The following RBFOX1 variants were observed in gnomAD, a reference collection of about 807,000 sequenced individuals.
RBFOX1 encodes RNA binding fox-1 homolog 1.
RBFOX1 carries 8 observed loss-of-function variants against 57.7 expected under a neutral mutation model. The ratio of observed to expected loss-of-function variants is 0.14; its 90% CI spans 0.08 to 0.25. The LOEUF (loss-of-function observed/expected upper bound fraction) is 0.25. Among genes scored for constraint, RBFOX1 ranks in the 10% least tolerant of loss-of-function variants. RBFOX1 has a pLI of 1.00. For synonymous variants in RBFOX1, 326 were observed against 222.4 expected, an observed-to-expected ratio of 1.47 and a Z score of -4.15; for missense variants, 611 against 548.5, an observed-to-expected ratio of 1.11 and a Z score of -1.14.
chr16:7,203,706 C>G (rs907678831), intron 4 of RBFOX1, among the ~76,000 whole-genome samples: 1 of 152,096 alleles, frequency 6.6e-6, no homozygotes, highest in African/African-American at 2.4e-5. Flanking sequence ...AATACATGGT[C>G]TCTTCCATTT....
At chr16:6,347,794 TG>T (rs1260262713) in intron 2 of RBFOX1, among the ~76,000 whole-genome samples, 1 of 152,234 alleles carries the variant, frequency 6.6e-6, no homozygotes, top group Non-Finnish European at 1.5e-5. Flanking sequence ...TGCGACTGCC[TG>T]GCCCATTCCT....
intron 4 of RBFOX1, among the ~76,000 whole-genome samples, chr16:7,277,687 C>T (rs982627240): frequency 6.6e-6 from 1 of 151,962 alleles, no homozygotes; most frequent in Non-Finnish European, 1.5e-5. Context: ...AGGGCGGATA[C>T]CCATCGAAAA....
intron 3 of RBFOX1, among the ~76,000 whole-genome samples, chr16:6,781,037 C>G (rs992344906): frequency 5.9e-5 from 9 of 152,068 alleles, no homozygotes; most frequent in Admixed American, 5.2e-4. Flanking sequence ...GTTACCTGTG[C>G]ATTTGGTGGC....
intron 4 of RBFOX1, among the ~76,000 whole-genome samples, chr16:7,443,857 C>A (rs547845007): frequency 1.3e-5 from 2 of 152,270 alleles, no homozygotes; most frequent in Admixed American, 6.5e-5. Context: ...TAGGGATGCA[C>A]GTGGCGTGAA....
intron 14 of RBFOX1, chr16:7,693,201 A>G (rs2077759264): frequency 6.3e-6 from 5 of 798,128 alleles, no homozygotes; most frequent in Non-Finnish European, 8.7e-6. Context: ...TCCTCGCAAC[A>G]TCCATTCACA....
intron 1 of RBFOX1, among the ~76,000 whole-genome samples, chr16:6,129,531 G>A (rs1196032312): frequency 6.6e-6 from 1 of 152,032 alleles, no homozygotes; most frequent in Non-Finnish European, 1.5e-5. Context: ...CTGTGGGAGA[G>A]TATCAAGTAG....
At chr16:7,359,666 A>C (rs917997947) in intron 4 of RBFOX1, among the ~76,000 whole-genome samples, 4 of 152,084 alleles carry the variant, frequency 2.6e-5, no homozygotes, top group African/African-American at 9.7e-5. Context: ...CAGCAATGTC[A>C]AGGATGTTTT....
At chr16:6,311,048 G>A (rs940112639) in intron 1 of RBFOX1, among the ~76,000 whole-genome samples, 1 of 152,048 alleles carries the variant, frequency 6.6e-6, no homozygotes, top group Non-Finnish European at 1.5e-5. Context: ...TTTAATCCCA[G>A]CACTTTGGGA....
intron 1 of RBFOX1, among the ~76,000 whole-genome samples, chr16:5,241,166 G>T (rs552030944): frequency 1.1e-4 from 16 of 152,296 alleles, no homozygotes; most frequent in Middle Eastern, 3.4e-3. Flanking sequence ...AGCCCCCCCT[G>T]CCCAGTCTTG....
rs1014705217 is a variant in RBFOX1, at chr16:5,349,882, G to C, written c.219+109777G>C. Reference sequence around the variant, plus strand: ...GCTGAGCAGTCTCTCTCCCTGGCCAGGAAACACATGTGCACCATCCACCGG... The same window carrying C: ...GCTGAGCAGTCTCTCTCCCTGGCCACGAAACACATGTGCACCATCCACCGG... On this transcript the variant is annotated intron_variant, in intron 1 of 2. Transcript: ENST00000585867. 2.6e-5 allele frequency among the ~76,000 whole-genome samples: 4 copies of C among 152,242 alleles called. No individual in the cohort carries two copies. The East Asian group carries it at 7.8e-4, about 30-fold the overall frequency.
At chr16:6,004,066 A>G (rs1032551458) in intron 4 of RBFOX1, among the ~76,000 whole-genome samples, 1 of 152,358 alleles carries the variant, frequency 6.6e-6, no homozygotes, top group East Asian at 1.9e-4. Context: ...ACTCTAGGAT[A>G]AATAGCTAAT....
rs951727987 is a variant in RBFOX1 at position 7,710,160 on chromosome 16, A to G, written c.1072-463A>G. The G allele has an allele frequency of 1.1e-5, 11 of 1,030,098 alleles. No homozygotes were observed. The African/African-American group carries it at 1.2e-4, about 11-fold the overall frequency. The allele number at this position is 1,030,098 out of a possible 1,614,324, so 63.8% of individuals were successfully genotyped here. A position where few individuals can be genotyped will look rare whatever the true frequency, so the allele number is the denominator to read the frequency against. On this transcript the variant is annotated intron_variant, in intron 15 of 15. Transcript: ENST00000550418. ...AACTCCCTTCTCAAGATCAGATTCCATACAGCTTACAGAGCCAAGTTAAGT... is the reference window on the plus strand; with the variant it reads ...AACTCCCTTCTCAAGATCAGATTCCGTACAGCTTACAGAGCCAAGTTAAGT...
intron 4 of RBFOX1, among the ~76,000 whole-genome samples, chr16:7,426,286 T>C (rs2098610576): frequency 6.6e-6 from 1 of 152,162 alleles, no homozygotes; most frequent in African/African-American, 2.4e-5. Flanking sequence ...CCCCGCTTAA[T>C]CCTTACTAGC....
chr16:5,974,631 G>A (rs1279408564), intron 4 of RBFOX1, among the ~76,000 whole-genome samples: 1 of 151,104 alleles, frequency 6.6e-6, no homozygotes. Context: ...AATAAAATAA[G>A]ATCTGTCCCC....
intron 14 of RBFOX1, among the ~76,000 whole-genome samples, chr16:7,698,114 TAAC>T (rs1050645148): frequency 1.3e-5 from 2 of 151,906 alleles, no homozygotes; most frequent in African/African-American, 4.8e-5. Context: ...GAAAAACAAT[TAAC>T]AATATGCTAG....
intron 3 of RBFOX1, among the ~76,000 whole-genome samples, chr16:5,711,507 C>T (rs1015063287): frequency 6.6e-5 from 10 of 152,142 alleles, no homozygotes; most frequent in East Asian, 5.8e-4. Flanking sequence ...AGTTGGGGTG[C>T]GATTCAAAGC....
chr16:7,645,329 C>T (rs1187783274), intron 11 of RBFOX1, among the ~76,000 whole-genome samples: 2 of 152,130 alleles, frequency 1.3e-5, no homozygotes, highest in Admixed American at 6.5e-5. Context: ...TTTCCTCGTG[C>T]CATGTCAATT....
chr16:6,101,757 C>T (rs1045595844), intron 1 of RBFOX1, among the ~76,000 whole-genome samples: 1 of 152,152 alleles, frequency 6.6e-6, no homozygotes, highest in African/African-American at 2.4e-5. Context: ...CCTGTCTGTA[C>T]TAAAAATATA....
In RBFOX1 at chr16:7,432,898, C is replaced by T. The variant is rs146807728; in HGVS notation, c.28-85249C>T. Among the ~76,000 whole-genome samples the T allele has an allele frequency of 8.2e-4, 125 of 152,350 alleles. 1 individual carries two copies. The highest frequency in any genetic ancestry group is 2.9e-3 in the African/African-American group (122 of 41,590). Reference sequence around the variant, plus strand: ...TCAGGCCATCATAACACAGAATCAACAGCCTTATGGTGTTGCCCCAGAGGA... The same window carrying T: ...TCAGGCCATCATAACACAGAATCAATAGCCTTATGGTGTTGCCCCAGAGGA... On this transcript the variant is annotated intron_variant, in intron 4 of 15. Coordinates refer to ENST00000550418, the MANE Select transcript of RBFOX1 (RefSeq NM_018723.4).
Sources: allele counts gnomAD v4.1 joint callset (sites outside exome capture counted in the v4.1 genomes callset), GRCh38; gene constraint gnomAD v4.1.1; transcripts MANE v1.5; gene names NCBI Gene and HGNC (gene_info 2026-07-23, HGNC 2026-07-21).